Variants in NKIRAS1 observed in about 807,000 individuals in gnomAD.
NKIRAS1 encodes NFKB inhibitor interacting Ras like 1.
NKIRAS1 carries 16 observed loss-of-function variants against 19.8 expected under a neutral mutation model. The ratio of observed to expected loss-of-function variants is 0.81; its 90% CI spans 0.55 to 1.23. The LOEUF (loss-of-function observed/expected upper bound fraction) is 1.23. Ranked by LOEUF, NKIRAS1 falls within the 50% of genes most tolerant of loss-of-function variation. The probability of loss-of-function intolerance (pLI) is 0.00; values close to 1 mark genes in which losing one functional copy is unlikely to be tolerated. For missense variants in NKIRAS1, 184 were observed against 220.0 expected, an observed-to-expected ratio of 0.84 and a Z score of 1.04; for synonymous variants, 88 against 79.0, an observed-to-expected ratio of 1.11 and a Z score of -0.61.
At chr3:23,931,735 AG>A (rs60560443) in intron 1 of NKIRAS1, among the ~76,000 whole-genome samples, 52 of 23,058 alleles carry the variant, frequency 2.3e-3, no homozygotes, top group South Asian at 5.0e-3. Flanking sequence ...AGAGAGAGAG[AG>A]AAAGAAAGGT....
At chr3:23,904,650 AGAG>A (rs1702843360) in intron 3 of NKIRAS1, among the ~76,000 whole-genome samples, 1 of 97,016 alleles carries the variant, frequency 1.0e-5, no homozygotes, top group Non-Finnish European at 2.3e-5. Context: ...AGAACAAAGA[AGAG>A]AGCCTAAAAA....
At chr3:23,928,829 T>C (rs1439595673) in intron 1 of NKIRAS1, among the ~76,000 whole-genome samples, 1 of 150,504 alleles carries the variant, frequency 6.6e-6, no homozygotes, top group Non-Finnish European at 1.5e-5. Context: ...CCGTTTCTAA[T>C]AAAATACAAA....
intron 1 of NKIRAS1, among the ~76,000 whole-genome samples, chr3:23,942,234 C>T (rs1003235996): frequency 2.6e-5 from 4 of 152,052 alleles, no homozygotes; most frequent in Non-Finnish European, 5.9e-5. Flanking sequence ...CTGCCTTGAC[C>T]TCTCAAAGTG....
intron 1 of NKIRAS1, 28 bp downstream of exon 1, chr3:23,916,756 G>A (rs913262411): frequency 2.0e-5 from 3 of 149,914 alleles, no homozygotes; most frequent in African/African-American, 7.4e-5. Context: ...ACTCCGCAGG[G>A]GGAGAGCCCG....
At chr3:23,921,729 C>T (rs960809575), upstream of NKIRAS1, 8 of 629,600 alleles carry the variant, frequency 1.3e-5, no homozygotes, top group African/African-American at 1.1e-4. Flanking sequence ...CGCACACTGC[C>T]ATGCCCAGCT....
chr3:23,938,343 G>A lies in NKIRAS1; in HGVS notation c.-140+7980C>T, dbSNP rs1304498665. Among the ~76,000 whole-genome samples, 4 of 151,790 alleles carry A rather than the reference G, an allele frequency of 2.6e-5. No homozygotes were observed. In the East Asian group the frequency reaches 7.7e-4, roughly 29 times the overall value. On this transcript the variant is annotated intron_variant, in intron 1 of 4. Coordinates refer to the NKIRAS1 transcript ENST00000421515. ...TCCCATCTCAGCTGCCTGGGTAGCTGGGACCTCGGGCAGGAGCCACCACAC... is the reference window on the plus strand; with the variant it reads ...TCCCATCTCAGCTGCCTGGGTAGCTAGGACCTCGGGCAGGAGCCACCACAC...
At position 23,927,736 on chromosome 3, in the gene NKIRAS1, T is replaced by C. The variant is rs1705233518; in HGVS notation, c.-139-16286A>G. Among the ~76,000 whole-genome samples, 2 of 152,162 alleles carry C rather than the reference T, an allele frequency of 1.3e-5. No homozygotes were observed. Among genetic ancestry groups the C allele is most frequent in the East Asian group, 3.9e-4 (2 of 5,190 alleles). The stretch of plus-strand genomic sequence containing the variant: ...TACTATTTAGCTTCCCGAGGTTGAT[T>C]ATTAACTAAGCTAGGATGTTTTGCT... On this transcript the variant is annotated intron_variant, in intron 1 of 4. Transcript: ENST00000421515. The surrounding 1 kb of genome is among the most constrained non-coding windows in gnomAD (Gnocchi z 4.0).
intron 3 of NKIRAS1, among the ~76,000 whole-genome samples, chr3:23,904,140 G>A (rs541036635): frequency 2.8e-4 from 43 of 151,960 alleles, no homozygotes; most frequent in Non-Finnish European, 4.6e-4. Flanking sequence ...ACTCCAACCC[G>A]AGTAAAAAAA....
At chr3:23,940,264 G>C (rs891474171) in intron 1 of NKIRAS1, among the ~76,000 whole-genome samples, 5 of 151,068 alleles carry the variant, frequency 3.3e-5, no homozygotes, top group Admixed American at 6.6e-5. Context: ...GGAGCATCTC[G>C]AGCCCATGAG....
intron 1 of NKIRAS1, chr3:23,946,133 G>T: frequency 2.0e-6 from 2 of 984,632 alleles, no homozygotes; most frequent in Non-Finnish European, 2.4e-6. Context: ...CTCCTCCCCC[G>T]CGGGGTTGCA....
intron 4 of NKIRAS1, among the ~76,000 whole-genome samples, chr3:23,893,541 T>TCAA (rs1701646807): frequency 6.6e-6 from 1 of 152,144 alleles, no homozygotes; most frequent in South Asian, 2.1e-4. Flanking sequence ...GCGTGCTGGC[T>TCAA]CATGCCTATA....
At chr3:23,908,460 T>C (rs1703292390) in intron 3 of NKIRAS1, among the ~76,000 whole-genome samples, 1 of 152,234 alleles carries the variant, frequency 6.6e-6, no homozygotes, top group South Asian at 2.1e-4. Flanking sequence ...ATATTTCAAC[T>C]GAAACACCTC....
intron 3 of NKIRAS1, among the ~76,000 whole-genome samples, chr3:23,906,153 C>T (rs1235180019): frequency 9.0e-4 from 83 of 91,934 alleles, no homozygotes; most frequent in Middle Eastern, 8.5e-3. Flanking sequence ...AGCGAGACTC[C>T]GTCTCAAAAA....
At chr3:23,937,511 C>T (rs973571504) in intron 1 of NKIRAS1, among the ~76,000 whole-genome samples, 1 of 150,582 alleles carries the variant, frequency 6.6e-6, no homozygotes, top group Non-Finnish European at 1.5e-5. Flanking sequence ...TATATTGTTC[C>T]TTTAGATAGC....
At chr3:23,935,824 A>T (rs1202017238) in intron 1 of NKIRAS1, among the ~76,000 whole-genome samples, 3 of 152,144 alleles carry the variant, frequency 2.0e-5, no homozygotes, top group Admixed American at 1.3e-4. Context: ...TCACGCCTGT[A>T]ATCCCAGCAC....
intron 4 of NKIRAS1, among the ~76,000 whole-genome samples, chr3:23,897,282 T>TGA (rs766807348): frequency 3.9e-5 from 6 of 152,064 alleles, no homozygotes; most frequent in Non-Finnish European, 7.4e-5. Flanking sequence ...AAACTCTGGA[T>TGA]GACTGCCCCA....
intron 3 of NKIRAS1, among the ~76,000 whole-genome samples, chr3:23,905,427 G>GA (rs1702925288): frequency 1.3e-5 from 2 of 152,032 alleles, no homozygotes; most frequent in Admixed American, 6.6e-5. Context: ...TCAAAATTCC[G>GA]AAAGTATATT....
chr3:23,943,426 T>C (rs1705546187), intron 1 of NKIRAS1, among the ~76,000 whole-genome samples: 1 of 152,048 alleles, frequency 6.6e-6, no homozygotes, highest in African/African-American at 2.4e-5. Flanking sequence ...AGATGGGGTT[T>C]CTCCATGTTG....
intron 1 of NKIRAS1, among the ~76,000 whole-genome samples, chr3:23,931,759 C>T (rs991578798): frequency 2.0e-5 from 3 of 151,984 alleles, no homozygotes; most frequent in Non-Finnish European, 4.4e-5. Context: ...AGAAGAAGGG[C>T]GGGTTTCAGG....
Sources: gnomAD v4.1 joint callset for allele counts (sites outside exome capture counted in the v4.1 genomes callset) on GRCh38, gnomAD v4.1.1 for gene constraint, Gnocchi (gnomAD v3.1) non-coding constraint, MANE v1.5 for transcripts, NCBI Gene and HGNC (gene_info 2026-07-23, HGNC 2026-07-21) for gene names.